Variants in ERICH2 observed in about 807,000 individuals in gnomAD.
ERICH2 encodes glutamate rich 2, also known as glutamate-rich protein 2.
ERICH2 carries 17 observed loss-of-function variants against 17.4 expected under a neutral mutation model. That is an observed-to-expected ratio of 0.98 (90% confidence interval 0.67 to 1.47). The LOEUF (loss-of-function observed/expected upper bound fraction) is 1.47, where lower values mean the gene tolerates loss of function less well. ERICH2 is among the 40% of genes most tolerant of loss of function. The probability of loss-of-function intolerance (pLI) is 0.00; values close to 1 mark genes in which losing one functional copy is unlikely to be tolerated. For synonymous variants in ERICH2, 51 were observed against 61.1 expected, an observed-to-expected ratio of 0.83 and a Z score of 0.77; for missense variants, 186 against 183.2, an observed-to-expected ratio of 1.01 and a Z score of -0.09.
At chr2:170,787,409 T>C (rs1358802603) in intron 2 of ERICH2, among the ~76,000 whole-genome samples, 1 of 152,252 alleles carries the variant, frequency 6.6e-6, no homozygotes, top group Non-Finnish European at 1.5e-5. Context: ...GGGCAGCCTT[T>C]ATGTAGCATA....
chr2:170,774,629 G>T, the ERICH2 span, among the ~76,000 whole-genome samples: 2 of 143,404 alleles, frequency 1.4e-5, no homozygotes, highest in Non-Finnish European at 3.0e-5. Context: ...GCAGTGGCAC[G>T]CTCTCGGCTC....
At chr2:170,780,752 T>C (rs1701007685), upstream of ERICH2, among the ~76,000 whole-genome samples, 1 of 152,226 alleles carries the variant, frequency 6.6e-6, no homozygotes, top group South Asian at 2.1e-4. Context: ...GTATGTCTTA[T>C]AATAAACATT....
At chr2:170,773,589 TAAG>T in the ERICH2 span, among the ~76,000 whole-genome samples, 4 of 152,228 alleles carry the variant, frequency 2.6e-5, no homozygotes, top group African/African-American at 9.6e-5. Flanking sequence ...GACATACATA[TAAG>T]AAGTTAGTAC....
chr2:170,790,557 G>A (rs1236138575), intron 2 of ERICH2, among the ~76,000 whole-genome samples: 1 of 152,314 alleles, frequency 6.6e-6, no homozygotes, highest in African/African-American at 2.4e-5. Flanking sequence ...AACCTGGGAG[G>A]CGGAGATTGC....
At chr2:170,792,908 T>A in exon 3 of ERICH2, 3 of 1,510,876 alleles carry the variant, frequency 2.0e-6, no homozygotes, top group Non-Finnish European at 2.7e-6. Flanking sequence ...GGCAAAAAAA[T>A]TATGTCAGAT....
intron 2 of ERICH2, among the ~76,000 whole-genome samples, chr2:170,789,207 C>T (rs923947809): frequency 4.0e-5 from 6 of 151,676 alleles, no homozygotes; most frequent in South Asian, 4.2e-4. Context: ...TCAGGTGATC[C>T]GCCCACCTCG....
At chr2:170,774,090 C>G in the ERICH2 span, among the ~76,000 whole-genome samples, 2 of 152,188 alleles carry the variant, frequency 1.3e-5, no homozygotes, top group East Asian at 3.8e-4. Flanking sequence ...CTGTGCTGTT[C>G]CCATTGCCAC....
At chr2:170,779,777 A>G (rs1700984893), upstream of ERICH2, 1 of 935,530 alleles carries the variant, frequency 1.1e-6, no homozygotes, top group Non-Finnish European at 1.3e-6. Context: ...TTTTATTCCC[A>G]TTTTTATACC....
At chr2:170,791,323 G>A (rs1004218281) in intron 2 of ERICH2, among the ~76,000 whole-genome samples, 5 of 152,106 alleles carry the variant, frequency 3.3e-5, no homozygotes, top group Non-Finnish European at 5.9e-5. Flanking sequence ...AGGGGGTTAA[G>A]ATAATGTCAA....
the ERICH2 span, among the ~76,000 whole-genome samples, chr2:170,776,047 G>C: frequency 5.1e-4 from 78 of 151,858 alleles, no homozygotes; most frequent in Non-Finnish European, 8.2e-4. Flanking sequence ...AAAATTTTAA[G>C]TGTGGCCGCT....
chr2:170,791,006 A>G (rs1701276350), intron 2 of ERICH2, among the ~76,000 whole-genome samples: 1 of 152,146 alleles, frequency 6.6e-6, no homozygotes, highest in Admixed American at 6.5e-5. Flanking sequence ...AAATAATTAA[A>G]CTTTAATTCA....
chr2:170,794,902 T>C (rs1402587775), intron 3 of ERICH2, among the ~76,000 whole-genome samples: 3 of 152,218 alleles, frequency 2.0e-5, no homozygotes, highest in African/African-American at 7.2e-5. Context: ...GTATCTGAGG[T>C]AAATAATCCT....
At chr2:170,784,813 C>A in exon 2 of ERICH2, 1 of 1,483,218 alleles carries the variant, frequency 6.7e-7, no homozygotes, top group Non-Finnish European at 8.9e-7. Flanking sequence ...TACTCAGGCC[C>A]CACTAGAGTT....
chr2:170,775,298 G>A, the ERICH2 span, among the ~76,000 whole-genome samples: 3 of 151,998 alleles, frequency 2.0e-5, no homozygotes, highest in Admixed American at 2.0e-4. Flanking sequence ...CGGATGTGGT[G>A]GTGCACACCT....
chr2:170,793,030 G>GC, intron 3 of ERICH2, 110 bp downstream of exon 8: 1 of 534,074 alleles, frequency 1.9e-6, no homozygotes, highest in South Asian at 4.3e-5. Context: ...TTCCCTGATA[G>GC]TGTCTCAGTG....
chr2:170,770,829 G>GCCCGCCCCGC, the ERICH2 span: 1 of 130,246 alleles, frequency 7.7e-6, no homozygotes, highest in Non-Finnish European at 1.7e-5. Flanking sequence ...CAGCTCGGCC[G>GCCCGCCCCGC]CCCGCCCCGC....
upstream of ERICH2, among the ~76,000 whole-genome samples, chr2:170,783,464 G>T (rs114454137): frequency 0.012 from 1,795 of 152,204 alleles, 48 homozygotes; most frequent in African/African-American, 0.04. Flanking sequence ...CACAAGACTC[G>T]CTTGAACCTG....
intron 2 of ERICH2, among the ~76,000 whole-genome samples, chr2:170,791,971 A>T (rs1243226595): frequency 6.6e-6 from 1 of 152,180 alleles, no homozygotes; most frequent in Non-Finnish European, 1.5e-5. Context: ...AATAAAACTC[A>T]TATACCTGCA....
intron 2 of ERICH2, among the ~76,000 whole-genome samples, chr2:170,788,720 A>G (rs1235076734): frequency 6.6e-6 from 1 of 151,470 alleles, no homozygotes; most frequent in African/African-American, 2.4e-5. Flanking sequence ...CTTGTGATTC[A>G]CCTCCCTTGG....
Sources: allele counts gnomAD v4.1 joint callset (sites outside exome capture counted in the v4.1 genomes callset), GRCh38; gene constraint gnomAD v4.1.1; transcripts MANE v1.5; gene names NCBI Gene and HGNC (gene_info 2026-07-23, HGNC 2026-07-21).